RAB11FIP5: variants seen among roughly 807,000 people sequenced by gnomAD.
The protein encoded by RAB11FIP5 is rab11 family-interacting protein 5.
A neutral mutation model predicts 85.1 loss-of-function variants in RAB11FIP5; 48 were observed. The observed-to-expected ratio is 0.56, with a 90% confidence interval of 0.45 to 0.72. The LOEUF is 0.72. Among genes scored for constraint, RAB11FIP5 ranks in the 30% least tolerant of loss-of-function variants. The pLI is 0.00. For synonymous variants in RAB11FIP5, 729 were observed against 727.3 expected (o/e 1.00, Z -0.04); for missense variants, 1,491 against 1,687.0 (o/e 0.88, Z 2.04).
In RAB11FIP5 at chr2:73,079,937, T is replaced by C; in HGVS notation, c.3295A>G (p.Thr1099Ala). 8.1e-7 allele frequency: 1 copy of C among 1,231,618 alleles called. No homozygotes were observed. Among genetic ancestry groups the C allele is most frequent in the Non-Finnish European group, 1.0e-6 (1 of 987,896 alleles). 76.3% of individuals were successfully genotyped at this position (1,231,618 alleles called of 1,614,324 possible). A position where few individuals can be genotyped will look rare whatever the true frequency, so the allele number is the denominator to read the frequency against. ...SIHSGPEELP[T>A]PPEPDFPPPP... The stretch of plus-strand genomic sequence containing the variant: ...GGTGGAAAGTCAGGCTCTGGGGGAG[T>C]GGGCAGCTCTTCTGGACCAGAATGA... The change falls in exon 4 of 6, where the codon ACT becomes GCT. Residue 1099 changes from threonine to alanine, a missense_variant. Thr to Ala is a moderately conservative substitution (Grantham distance 58). This residue lies in a region of RAB11FIP5 where 48 missense variants were observed against 89.9 expected (regional missense o/e 0.53). Transcript: ENST00000486777.
At chr2:73,103,411 A>G (rs1386458962) in intron 1 of RAB11FIP5, among the ~76,000 whole-genome samples, 1 of 152,172 alleles carries the variant, frequency 6.6e-6, no homozygotes, top group Non-Finnish European at 1.5e-5. Context: ...AAGGTCTGTC[A>G]CTGTCAGCTC....
intron 3 of RAB11FIP5, chr2:73,084,143 C>T (rs1433686144): frequency 6.6e-6 from 1 of 152,198 alleles, no homozygotes; most frequent in Non-Finnish European, 1.5e-5. Flanking sequence ...CAGCAAAGGG[C>T]TCTCCCTGGA....
intron 1 of RAB11FIP5, among the ~76,000 whole-genome samples, chr2:73,106,695 G>C (rs1046014785): frequency 3.3e-5 from 5 of 152,226 alleles, no homozygotes; most frequent in Admixed American, 6.5e-5. Context: ...CTACAGCTCT[G>C]TGGGCTGCCC....
chr2:73,100,927 G>A (rs562443470), intron 1 of RAB11FIP5, among the ~76,000 whole-genome samples: 1 of 152,234 alleles, frequency 6.6e-6, no homozygotes, highest in South Asian at 2.1e-4. Context: ...ACCAAACAGT[G>A]AGAGAGAAAG....
At chr2:73,090,288 G>A (rs1684184779) in intron 1 of RAB11FIP5, among the ~76,000 whole-genome samples, 1 of 152,148 alleles carries the variant, frequency 6.6e-6, no homozygotes, top group African/African-American at 2.4e-5. Context: ...CACCACACAG[G>A]GTGGCTGGGG....
At position 73,110,137 on chromosome 2, in the gene RAB11FIP5, C is replaced by T. The variant is rs114317893; in HGVS notation, c.431+2210G>A. Among the ~76,000 whole-genome samples the T allele has an allele frequency of 2.9e-3, 441 of 152,308 alleles. 1 individual carries two copies. Among genetic ancestry groups the T allele is most frequent in the African/African-American group, 0.01 (420 of 41,552 alleles). On this transcript the variant is annotated intron_variant, in intron 1 of 5. Transcript: ENST00000486777. ...AGGTCCTCTCTTGGCAAAGGGCCAC[C>T]ACCTGCCCTACCTGAGACCACCACA...
At position 73,081,250 on chromosome 2, in the gene RAB11FIP5, C is replaced by T. The variant is rs72848126; in HGVS notation, c.1982G>A (p.Arg661His). 0.016 allele frequency: 19,432 copies of T among 1,232,340 alleles called. 192 individuals carry two copies. The highest frequency in any genetic ancestry group is 0.028 in the Admixed American group (668 of 23,724). The allele number at this position is 1,232,340 out of a possible 1,614,324, so 76.3% of individuals were successfully genotyped here. The change falls in exon 4 of 6, where the codon CGT becomes CAT. Residue 661 changes from arginine (R) to histidine (H), a missense_variant. Coordinates refer to ENST00000486777, the MANE Select transcript of RAB11FIP5 (RefSeq NM_001371272.1). This position sits in a 1 kb window ranked among gnomAD's most constrained non-coding sequence, Gnocchi z 4.2. ...CAGGATCTCGCTCCTGGCCTCTGGACGCAGCCTGCTGGCAGCAAAGACGTT... is the reference window on the plus strand; with the variant it reads ...CAGGATCTCGCTCCTGGCCTCTGGATGCAGCCTGCTGGCAGCAAAGACGTT... The part of the protein sequence containing the change: ...TFNVFAASRL[R>H]PEARSEILAP...
chr2:73,076,023 A>C lies in RAB11FIP5; in HGVS notation c.3741T>G (p.Ala1247=). The part of the protein sequence containing the change: ...SIQPVTQAPQ[A]GQMVDTKRLK... Reference sequence around the variant, plus strand: ...GCCTTTTGGTGTCCACCATCTGGCCAGCCTGGGGGGCCTGGGTCACAGGCT... The same window carrying C: ...GCCTTTTGGTGTCCACCATCTGGCCCGCCTGGGGGGCCTGGGTCACAGGCT... Residue 1247 remains alanine, a synonymous_variant, in exon 5 of 6, where the codon GCT becomes GCG. Transcript: ENST00000486777. The C allele has an allele frequency of 6.2e-7, 1 of 1,613,974 alleles. No individual in the cohort carries two copies. Among genetic ancestry groups the C allele is most frequent in the Non-Finnish European group, 8.5e-7 (1 of 1,179,856 alleles).
At chr2:73,093,792 T>C (rs1405773870) in intron 1 of RAB11FIP5, among the ~76,000 whole-genome samples, 2 of 152,216 alleles carry the variant, frequency 1.3e-5, no homozygotes, top group Non-Finnish European at 2.9e-5. Flanking sequence ...TCGCTCTGCC[T>C]AGCCTTCAAG....
intron 1 of RAB11FIP5, among the ~76,000 whole-genome samples, chr2:73,091,002 T>C (rs1466178886): frequency 6.6e-6 from 1 of 152,112 alleles, no homozygotes; most frequent in Non-Finnish European, 1.5e-5. Context: ...AGATGGGAAC[T>C]CTCTATACTT....
intron 1 of RAB11FIP5, among the ~76,000 whole-genome samples, chr2:73,108,975 G>C (rs1684586371): frequency 6.6e-6 from 1 of 152,098 alleles, no homozygotes; most frequent in African/African-American, 2.4e-5. Flanking sequence ...ACCTGGGAGG[G>C]AGAGATTGCA....
At chr2:73,107,045 CA>C (rs2106124895) in intron 1 of RAB11FIP5, among the ~76,000 whole-genome samples, 1 of 152,310 alleles carries the variant, frequency 6.6e-6, no homozygotes, top group South Asian at 2.1e-4. Context: ...CCTCTCTGGC[CA>C]CCATTGTTCC....
Position 73,081,137 on chromosome 2 carries a change from C to T in RAB11FIP5, c.2095G>A (p.Glu699Lys). The change falls in exon 4 of 6, where the codon GAG (glutamate) becomes AAG (lysine). Residue 699 changes from glutamate to lysine, a missense_variant. Coordinates refer to ENST00000486777, the MANE Select transcript of RAB11FIP5 (RefSeq NM_001371272.1). The surrounding 1 kb of genome is among the most constrained non-coding windows in gnomAD (Gnocchi z 4.2). ...CCTCCTCCTCCTCCTCCCCCAGGCT[C>T]TCCCTGGGGCTCAGCTGCCTTCGCA... ...MTAKAAEPQG[E>K]PGGGGGGGGG... The T allele has an allele frequency of 8.1e-7, 1 of 1,233,558 alleles. No homozygotes were observed. The highest frequency in any genetic ancestry group is 4.2e-5 in the Admixed American group (1 of 23,744). 76.4% of individuals were successfully genotyped at this position (1,233,558 alleles called of 1,614,324 possible).
chr2:73,098,958 T>G (rs1684377160), intron 1 of RAB11FIP5, among the ~76,000 whole-genome samples: 1 of 152,146 alleles, frequency 6.6e-6, no homozygotes, highest in African/African-American at 2.4e-5. Context: ...AATTGTAAAG[T>G]CATTAGACCT....
In RAB11FIP5 at chr2:73,076,155, G is replaced by C. The variant is rs778467297; in HGVS notation, c.3609C>G (p.Ala1203=). 7.4e-6 allele frequency: 12 copies of C among 1,611,704 alleles called. No homozygotes were observed. In the African/African-American group the frequency reaches 1.5e-4, roughly 20 times the overall value. ...ASPHPVKPLS[A]APVEGSPDRK... ...TGTCGGGGCTGCCCTCCACAGGGGC[G>C]GCACTGAGGGGCTTCACGGGGTGGG... Residue 1203 remains alanine, a synonymous_variant, in exon 5 of 6, where the codon GCC becomes GCG. Transcript: ENST00000486777.
chr2:73,075,448 A>G lies in RAB11FIP5; in HGVS notation c.*73T>C. ...GACAGACGATGCCCCACTGCAGATGAGAGAGTTCAGGAGGAGAGAGGGCAG... is the reference window on the plus strand; with the variant it reads ...GACAGACGATGCCCCACTGCAGATGGGAGAGTTCAGGAGGAGAGAGGGCAG... On this transcript the variant is annotated 3_prime_UTR_variant, in exon 6 of 6. Coordinates refer to ENST00000486777, the MANE Select transcript of RAB11FIP5 (RefSeq NM_001371272.1). The surrounding 1 kb of genome is among the most constrained non-coding windows in gnomAD (Gnocchi z 4.6). 2 of 1,424,420 alleles carry G rather than the reference A, an allele frequency of 1.4e-6. No homozygotes were observed. The highest frequency in any genetic ancestry group is 2.0e-6 in the Non-Finnish European group (2 of 1,006,968). The allele number at this position is 1,424,420 out of a possible 1,614,324, so 88.2% of individuals were successfully genotyped here. A position where few individuals can be genotyped will look rare whatever the true frequency, so the allele number is the denominator to read the frequency against.
intron 3 of RAB11FIP5, among the ~76,000 whole-genome samples, chr2:73,083,245 G>A (rs1156583078): frequency 6.6e-6 from 1 of 152,164 alleles, no homozygotes; most frequent in East Asian, 1.9e-4. Flanking sequence ...GGAACCCAGG[G>A]CCCAAAGAGG....
At position 73,081,596 on chromosome 2, in the gene RAB11FIP5, A is replaced by G; in HGVS notation, c.1636T>C (p.Trp546Arg). The G allele has an allele frequency of 8.2e-7, 1 of 1,213,618 alleles. No homozygotes were observed. The highest frequency in any genetic ancestry group is 3.2e-5 in the East Asian group (1 of 31,596). The allele number at this position is 1,213,618 out of a possible 1,614,324, so 75.2% of individuals were successfully genotyped here. ...ALPHHLPCSP[W>R]APAPPTPAPT... is the part of the protein sequence containing the mutation. ...GCAGGAGTGGGAGGGGCCGGAGCCC[A>G]GGGGGAGCAGGGGAGGTGGTGAGGA... The change falls in exon 4 of 6, where the codon TGG (tryptophan) becomes CGG (arginine). Residue 546 changes from tryptophan to arginine, a missense_variant. By Grantham distance (101) the Trp-to-Arg change is moderately radical. Transcript: ENST00000486777. The surrounding 1 kb of genome is among the most constrained non-coding windows in gnomAD (Gnocchi z 4.2).
At position 73,081,734 on chromosome 2, in the gene RAB11FIP5, C is replaced by T. The variant is rs1683988966; in HGVS notation, c.1569-71G>A. Reference sequence around the variant, plus strand: ...CTGGAAAGGCCCCTGAGTCCCACGCCCCACCCCCTGCTTCGGGACCAGGGG... The same window carrying T: ...CTGGAAAGGCCCCTGAGTCCCACGCTCCACCCCCTGCTTCGGGACCAGGGG... On this transcript the variant is annotated intron_variant, in intron 3 of 5. Coordinates refer to ENST00000486777, the MANE Select transcript of RAB11FIP5 (RefSeq NM_001371272.1). The surrounding 1 kb of genome is among the most constrained non-coding windows in gnomAD (Gnocchi z 4.2). 1.7e-6 allele frequency: 2 copies of T among 1,197,078 alleles called. No individual in the cohort carries two copies. Among genetic ancestry groups the T allele is most frequent in the Non-Finnish European group, 2.1e-6 (2 of 956,402 alleles). 74.2% of individuals were successfully genotyped at this position (1,197,078 alleles called of 1,614,324 possible).
Sources: allele counts gnomAD v4.1 joint callset (sites outside exome capture counted in the v4.1 genomes callset), GRCh38; gene constraint gnomAD v4.1.1; regional missense constraint gnomAD v4.1.1; non-coding constraint Gnocchi (gnomAD v3.1); transcripts MANE v1.5; gene names NCBI Gene and HGNC (gene_info 2026-07-23, HGNC 2026-07-21).